The following HRH1 variants were observed in gnomAD, a reference collection of about 807,000 sequenced individuals.
HRH1 encodes histamine receptor H1, also known as histamine H1 receptor.
HRH1 carries 6 observed loss-of-function variants against 10.3 expected under a neutral mutation model. The observed-to-expected ratio is 0.58, with a 90% CI of 0.32 to 1.15. HRH1 has a LOEUF of 1.15. HRH1 is among the 50% of genes most tolerant of loss of function. HRH1 has a pLI of 0.05. For missense variants in HRH1, 514 were observed against 615.3 expected, an observed-to-expected ratio of 0.84 and a Z score of 1.74; for synonymous variants, 242 against 236.7, an observed-to-expected ratio of 1.02 and a Z score of -0.21.
chr3:11,154,633 G>T lies in HRH1; in HGVS notation c.-36+79G>T, dbSNP rs1559254351. 2 of 151,968 alleles carry T rather than the reference G, an allele frequency of 1.3e-5. No individual in the cohort carries two copies. The highest frequency in any genetic ancestry group is 4.8e-5 in the African/African-American group (2 of 41,424). The allele number at this position is 151,968 out of a possible 1,614,324, so 9.4% of individuals were successfully genotyped here. ...CGAGGCTGCGCGCTGGCCAGGCTGGGTTCCGGGCATCCCGGCAGGGCGGCC... is the reference window on the plus strand; with the variant it reads ...CGAGGCTGCGCGCTGGCCAGGCTGGTTTCCGGGCATCCCGGCAGGGCGGCC... On this transcript the variant is annotated intron_variant, in intron 1 of 1. Coordinates refer to ENST00000431010, the MANE Select transcript of HRH1 (RefSeq NM_001098212.2). This position sits in a 1 kb window ranked among gnomAD's most constrained non-coding sequence, Gnocchi z 4.4.
At chr3:11,201,351 GACAGCATGTGC>G (rs1937899847) in intron 1 of HRH1, among the ~76,000 whole-genome samples, 1 of 152,198 alleles carries the variant, frequency 6.6e-6, no homozygotes, top group African/African-American at 2.4e-5. Flanking sequence ...AGGCAAAGGG[GACAGCATGTGC>G]ACAAGCTCCA....
chr3:11,169,410 A>G (rs1399108896), intron 1 of HRH1, among the ~76,000 whole-genome samples: 2 of 152,284 alleles, frequency 1.3e-5, no homozygotes, highest in Non-Finnish European at 2.9e-5. Flanking sequence ...AGATGGGGGA[A>G]GTAGGAGAGG....
chr3:11,255,613 G>C (rs929795031), intron 1 of HRH1, among the ~76,000 whole-genome samples: 1 of 152,130 alleles, frequency 6.6e-6, no homozygotes, highest in Non-Finnish European at 1.5e-5. Flanking sequence ...AGCACAGTTT[G>C]GTTTTATACA....
rs534882576 is a variant in HRH1, at chr3:11,139,002, T to C, written c.-36+1603T>C. ...AGCTGCATTGTTCTTTTTTTTTTTT[T>C]TTTAGAAAGAATTTTGCTCTTGTTG... is the stretch of plus-strand genomic sequence containing the variant. On this transcript the variant is annotated intron_variant, in intron 1 of 1. Transcript: ENST00000438284. 6.9e-4 allele frequency among the ~76,000 whole-genome samples: 92 copies of C among 133,784 alleles called. 1 individual carries two copies. The highest frequency in any genetic ancestry group is 3.8e-3 in the Middle Eastern group (1 of 260). 87.8% of individuals were successfully genotyped at this position (133,784 alleles called of 152,430 possible). A position where few individuals can be genotyped will look rare whatever the true frequency, so the allele number is the denominator to read the frequency against.
Position 11,239,416 on chromosome 3 carries a change from A to G in HRH1, c.-35-19587A>G, listed in dbSNP as rs958653266. 5.9e-5 allele frequency among the ~76,000 whole-genome samples: 9 copies of G among 152,324 alleles called. No individual in the cohort carries two copies. The South Asian group carries it at 6.2e-4, about 11-fold the overall frequency. Reference sequence around the variant, plus strand: ...TCTTTGTGTATTTTGGATACATCAGATATATGATATATCAGATATATGACC... The same window carrying G: ...TCTTTGTGTATTTTGGATACATCAGGTATATGATATATCAGATATATGACC... On this transcript the variant is annotated intron_variant, in intron 1 of 1. Transcript: ENST00000431010.
chr3:11,182,159 T>A (rs1372296584), intron 1 of HRH1, among the ~76,000 whole-genome samples: 2 of 151,664 alleles, frequency 1.3e-5, no homozygotes, highest in Non-Finnish European at 2.9e-5. Flanking sequence ...ATTTTTGTAT[T>A]TTTAGTAGAG....
At position 11,260,167 on chromosome 3, in the gene HRH1, G is replaced by A; in HGVS notation, c.1130G>A (p.Arg377Lys). The A allele has an allele frequency of 1.2e-6, 2 of 1,614,040 alleles. No homozygotes were observed. Among genetic ancestry groups the A allele is most frequent in the South Asian group, 1.1e-5 (1 of 91,054 alleles). Residue 377 changes from arginine to lysine, a missense_variant, in exon 2 of 2, where the codon AGG becomes AAG. Physicochemically the swap from Arg to Lys is conservative, Grantham distance 26. Coordinates refer to ENST00000431010, the MANE Select transcript of HRH1 (RefSeq NM_001098212.2). ...TETAPGKGKLRSGSNTGLDYI... is the reference protein window; with the variant it reads ...TETAPGKGKLKSGSNTGLDYI... The stretch of plus-strand genomic sequence containing the variant: ...ACAGCACCAGGCAAAGGCAAATTGA[G>A]GAGTGGGTCTAACACAGGCCTGGAT...
chr3:11,209,149 T>C (rs904074208), intron 1 of HRH1, among the ~76,000 whole-genome samples: 1 of 152,206 alleles, frequency 6.6e-6, no homozygotes, highest in Non-Finnish European at 1.5e-5. Flanking sequence ...TGGAGTGCAG[T>C]AGTATGATTA....
At chr3:11,244,637 TG>T (rs778825132) in intron 1 of HRH1, among the ~76,000 whole-genome samples, 7 of 152,252 alleles carry the variant, frequency 4.6e-5, no homozygotes, top group Non-Finnish European at 1.0e-4. Flanking sequence ...ATAATTGCAT[TG>T]CCCTTGAGGA....
chr3:11,252,313 G>A (rs150140946), intron 1 of HRH1, among the ~76,000 whole-genome samples: 30 of 152,238 alleles, frequency 2.0e-4, no homozygotes, highest in African/African-American at 6.7e-4. Context: ...GTTTTTCGAG[G>A]CCGTTAACCC....
chr3:11,153,771 C>G (rs1223331377), upstream of HRH1, among the ~76,000 whole-genome samples: 1 of 152,136 alleles, frequency 6.6e-6, no homozygotes, highest in Admixed American at 6.6e-5. Context: ...CCACCCCACT[C>G]CTCCCCTTGC....
At chr3:11,174,783 G>A (rs923166502) in intron 1 of HRH1, among the ~76,000 whole-genome samples, 3 of 152,184 alleles carry the variant, frequency 2.0e-5, no homozygotes, top group Admixed American at 1.3e-4. Context: ...GCTCCCAGCT[G>A]GCCCCCACAG....
intron 1 of HRH1, among the ~76,000 whole-genome samples, chr3:11,207,529 A>G (rs1230557616): frequency 6.6e-6 from 1 of 152,094 alleles, no homozygotes; most frequent in Non-Finnish European, 1.5e-5. Context: ...AGATCATGCC[A>G]CTGCACTCCA....
At chr3:11,250,641 T>C (rs536354717) in intron 1 of HRH1, among the ~76,000 whole-genome samples, 1 of 152,282 alleles carries the variant, frequency 6.6e-6, no homozygotes, top group Non-Finnish European at 1.5e-5. Flanking sequence ...ACCTAACACA[T>C]AGTTTCTAAG....
intron 1 of HRH1, among the ~76,000 whole-genome samples, chr3:11,217,632 G>T (rs1938557019): frequency 6.6e-6 from 1 of 152,196 alleles, no homozygotes; most frequent in African/African-American, 2.4e-5. Flanking sequence ...ACAAGATAAA[G>T]AGAGTTCTGG....
At chr3:11,156,814 C>G (rs1936813483) in intron 1 of HRH1, among the ~76,000 whole-genome samples, 1 of 152,204 alleles carries the variant, frequency 6.6e-6, no homozygotes, top group Non-Finnish European at 1.5e-5. Flanking sequence ...GCTCTGTATC[C>G]TTTCTCTGCC....
At chr3:11,249,551 G>A (rs73812414) in intron 1 of HRH1, among the ~76,000 whole-genome samples, 10,803 of 152,164 alleles carry the variant, frequency 0.071, 1,215 homozygotes, top group African/African-American at 0.24. Flanking sequence ...TCAAGGAAGG[G>A]TAAGAACCTT....
intron 1 of HRH1, among the ~76,000 whole-genome samples, chr3:11,253,454 G>C (rs1255498646): frequency 6.6e-6 from 1 of 152,192 alleles, no homozygotes; most frequent in Admixed American, 6.5e-5. Flanking sequence ...TGGTGACAAA[G>C]TGGAGCTTTA....
At chr3:11,144,486 C>CGTATAG (rs1574968656) in intron 1 of HRH1, among the ~76,000 whole-genome samples, 9 of 145,678 alleles carry the variant, frequency 6.2e-5, no homozygotes, top group African/African-American at 1.3e-4. Flanking sequence ...TATATATACA[C>CGTATAG]ACACACACAC....
Sources: allele counts gnomAD v4.1 joint callset (sites outside exome capture counted in the v4.1 genomes callset), GRCh38; gene constraint gnomAD v4.1.1; non-coding constraint Gnocchi (gnomAD v3.1); transcripts MANE v1.5; gene names NCBI Gene and HGNC (gene_info 2026-07-23, HGNC 2026-07-21).